Variants in TIAM1 observed in about 807,000 individuals in gnomAD.
The protein encoded by TIAM1 is rho guanine nucleotide exchange factor TIAM1.
TIAM1 carries 65 observed loss-of-function variants against 163.5 expected under a neutral mutation model. That is an observed-to-expected ratio of 0.40 (90% CI 0.33 to 0.49). The LOEUF is 0.49. Ranked by LOEUF, TIAM1 falls within the 20% of genes least tolerant of loss-of-function variation. TIAM1 has a pLI of 0.77. For synonymous variants in TIAM1, 833 were observed against 810.1 expected (o/e 1.03, Z -0.48); for missense variants, 1,789 against 2,044.7 (o/e 0.87, Z 2.41).
rs149850056 is a variant in TIAM1 at position 31,142,709 on chromosome 21, C to T, written c.3476-1205G>A. The stretch of plus-strand genomic sequence containing the variant: ...AGCAGATGCAGAAGCAGCAGCATCT[C>T]GCAGTGCCAGTGAAGCAGAGCAAGG... On this transcript the variant is annotated intron_variant, in intron 20 of 27. Transcript: ENST00000541036. Among the ~76,000 whole-genome samples, 84 of 152,006 alleles carry T rather than the reference C, an allele frequency of 5.5e-4. No homozygotes were observed. The East Asian group carries it at 0.012, about 22-fold the overall frequency.
chr21:31,453,086 A>G, intron 2 of TIAM1: 1 of 354,376 alleles, frequency 2.8e-6, no homozygotes, highest in South Asian at 2.8e-5. Context: ...TTCTGTTTGG[A>G]GAGGATAAAG....
At chr21:31,520,535 G>T (rs2047544889) in intron 1 of TIAM1, among the ~76,000 whole-genome samples, 1 of 152,180 alleles carries the variant, frequency 6.6e-6, no homozygotes, top group Non-Finnish European at 1.5e-5. Context: ...ACAGCAAAAG[G>T]AAAGAAATGT....
intron 2 of TIAM1, among the ~76,000 whole-genome samples, chr21:31,318,742 A>C (rs2075209683): frequency 6.6e-6 from 1 of 152,112 alleles, no homozygotes; most frequent in Non-Finnish European, 1.5e-5. Context: ...TCCTGATGTT[A>C]TTTTGTCTTT....
intron 1 of TIAM1, among the ~76,000 whole-genome samples, chr21:31,498,499 G>T (rs949185415): frequency 7.2e-5 from 11 of 152,196 alleles, no homozygotes; most frequent in African/African-American, 2.7e-4. Flanking sequence ...CAAGATCCCG[G>T]CTCCATGACC....
intron 2 of TIAM1, among the ~76,000 whole-genome samples, chr21:31,280,404 C>G (rs951907841): frequency 4.6e-5 from 7 of 152,074 alleles, no homozygotes; most frequent in African/African-American, 1.7e-4. Context: ...ACTTTCTCCT[C>G]CCTGCCTTCC....
chr21:31,475,039 T>C (rs1458498905), intron 1 of TIAM1, among the ~76,000 whole-genome samples: 1 of 65,084 alleles, frequency 1.5e-5, no homozygotes, highest in African/African-American at 6.9e-5. Flanking sequence ...TTATTATTAT[T>C]ATTATTATTA....
At chr21:31,500,175 A>C (rs2046805577) in intron 1 of TIAM1, among the ~76,000 whole-genome samples, 1 of 152,100 alleles carries the variant, frequency 6.6e-6, no homozygotes, top group African/African-American at 2.4e-5. Flanking sequence ...AAAAAATAAA[A>C]TAAAATAAAT....
upstream of TIAM1, among the ~76,000 whole-genome samples, chr21:31,346,250 T>G (rs2076145862): frequency 6.6e-6 from 1 of 152,188 alleles, no homozygotes; most frequent in Non-Finnish European, 1.5e-5. Flanking sequence ...GTCATTTAAT[T>G]AATGTATTCC....
intron 2 of TIAM1, among the ~76,000 whole-genome samples, chr21:31,428,599 G>A (rs912371536): frequency 6.6e-6 from 1 of 152,160 alleles, no homozygotes; most frequent in African/African-American, 2.4e-5. Context: ...TGTAAAAGGA[G>A]AGACCTGGCA....
chr21:31,516,421 A>C (rs2047384166), intron 1 of TIAM1, among the ~76,000 whole-genome samples: 1 of 152,186 alleles, frequency 6.6e-6, no homozygotes, highest in Non-Finnish European at 1.5e-5. Flanking sequence ...CAAAACAATA[A>C]ATAAAATTAA....
chr21:31,227,701 T>G (rs115973525), intron 6 of TIAM1, among the ~76,000 whole-genome samples: 46 of 152,298 alleles, frequency 3.0e-4, no homozygotes, highest in African/African-American at 1.0e-3. Flanking sequence ...TTGCTTCACT[T>G]TATTTTATAG....
At chr21:31,317,914 G>T (rs1293333414) in intron 2 of TIAM1, among the ~76,000 whole-genome samples, 1 of 152,134 alleles carries the variant, frequency 6.6e-6, no homozygotes, top group Non-Finnish European at 1.5e-5. Flanking sequence ...ATATTCTCAG[G>T]CAGCCCCAAC....
chr21:31,295,018 C>A (rs1023293698), intron 2 of TIAM1, among the ~76,000 whole-genome samples: 2 of 152,194 alleles, frequency 1.3e-5, no homozygotes, highest in African/African-American at 4.8e-5. Context: ...CGCTAGTTTT[C>A]ATCTAAAAAT....
intron 1 of TIAM1, among the ~76,000 whole-genome samples, chr21:31,502,186 G>GA (rs925669288): frequency 4.0e-5 from 6 of 150,418 alleles, no homozygotes; most frequent in Admixed American, 1.3e-4. Context: ...ATATCTTAAA[G>GA]AAAAAAAAAG....
At chr21:31,427,082 G>A (rs992694433) in intron 2 of TIAM1, among the ~76,000 whole-genome samples, 9 of 151,954 alleles carry the variant, frequency 5.9e-5, no homozygotes, top group Admixed American at 4.6e-4. Flanking sequence ...CACCATGCCT[G>A]GCTCATGTCT....
chr21:31,371,763 A>G (rs527929138), intron 2 of TIAM1, among the ~76,000 whole-genome samples: 2 of 152,312 alleles, frequency 1.3e-5, no homozygotes, highest in Non-Finnish European at 2.9e-5. Flanking sequence ...AAGACAAATA[A>G]GAGGAAGGAC....
At chr21:31,345,767 C>T (rs1299280717), upstream of TIAM1, among the ~76,000 whole-genome samples, 3 of 151,986 alleles carry the variant, frequency 2.0e-5, no homozygotes, top group Admixed American at 2.0e-4. Context: ...GCTGGAAACA[C>T]GGTGAAACCC....
chr21:31,417,342 A>G (rs2043407067), intron 2 of TIAM1, among the ~76,000 whole-genome samples: 3 of 152,170 alleles, frequency 2.0e-5, no homozygotes, highest in Non-Finnish European at 4.4e-5. Context: ...TTTATAAACA[A>G]AAAGAGATTT....
chr21:31,523,665 T>C (rs2047681161), intron 1 of TIAM1, among the ~76,000 whole-genome samples: 1 of 152,158 alleles, frequency 6.6e-6, no homozygotes, highest in African/African-American at 2.4e-5. Flanking sequence ...GGCTCACCCC[T>C]GTGATCCCAG....
Sources: allele counts gnomAD v4.1 joint callset (sites outside exome capture counted in the v4.1 genomes callset), GRCh38; gene constraint gnomAD v4.1.1; transcripts MANE v1.5; gene names NCBI Gene and HGNC (gene_info 2026-07-23, HGNC 2026-07-21).